RAD18: variants seen among roughly 807,000 people sequenced by gnomAD.
The protein encoded by RAD18 is RAD18 E3 ubiquitin protein ligase.
Under a neutral mutation model 60.4 loss-of-function variants are expected in RAD18, and 47 were observed. That is an observed-to-expected ratio of 0.78 (90% confidence interval 0.62 to 0.99). The LOEUF (loss-of-function observed/expected upper bound fraction) is 0.99, where lower values mean the gene tolerates loss of function less well. Among genes scored for constraint, RAD18 ranks in the 50% least tolerant of loss-of-function variants. The pLI is 0.00. For synonymous variants in RAD18, 225 were observed against 195.5 expected (o/e 1.15, Z -1.26); for missense variants, 640 against 593.3 (o/e 1.08, Z -0.82).
chr3:8,918,318 C>CAA lies in RAD18; in HGVS notation c.890-4600_890-4599dup, dbSNP rs56365221. Among the ~76,000 whole-genome samples the CAA allele has an allele frequency of 4.0e-3, 290 of 72,892 alleles. 4 individuals are homozygous for CAA. Among genetic ancestry groups the CAA allele is most frequent in the African/African-American group, 0.012 (191 of 16,496 alleles). The allele number at this position is 72,892 out of a possible 152,430, so 47.8% of individuals were successfully genotyped here. A position where few individuals can be genotyped will look rare whatever the true frequency, so the allele number is the denominator to read the frequency against. ...GGGCAACTAGAGTGAAACTCCATCT[C>CAA]AAAAAAAAAAAAAAAAAAAAAAGGG... On this transcript the variant is annotated intron_variant, in intron 7 of 12. Transcript: ENST00000264926.
chr3:8,923,498 T>C (rs1463289239), intron 7 of RAD18, among the ~76,000 whole-genome samples: 1 of 152,098 alleles, frequency 6.6e-6, no homozygotes, highest in African/African-American at 2.4e-5. Flanking sequence ...CTGCAGGATA[T>C]TATCCAGGAG....
At position 8,880,483 on chromosome 3, in the gene RAD18, T is replaced by C. The variant is rs544891370; in HGVS notation, c.*874A>G. 6.6e-6 allele frequency: 1 copy of C among 152,286 alleles called. No homozygotes were observed. The highest frequency in any genetic ancestry group is 6.5e-5 in the Admixed American group (1 of 15,300). 9.4% of individuals were successfully genotyped at this position (152,286 alleles called of 1,614,324 possible). On this transcript the variant is annotated 3_prime_UTR_variant, in exon 13 of 13. Coordinates refer to ENST00000264926, the MANE Select transcript of RAD18 (RefSeq NM_020165.4). The stretch of plus-strand genomic sequence containing the variant: ...GGTAGACATTTTACACAGATAGCAA[T>C]TTCTGACCAATCCATTTCAATGATT...
chr3:8,949,303 T>C (rs1201981594), intron 2 of RAD18, among the ~76,000 whole-genome samples: 6 of 152,166 alleles, frequency 3.9e-5, no homozygotes, highest in Non-Finnish European at 5.9e-5. Context: ...TTCTGTTTAG[T>C]TGAGGAGGAG....
chr3:8,932,952 C>T (rs985326444), intron 7 of RAD18, among the ~76,000 whole-genome samples: 6 of 151,828 alleles, frequency 4.0e-5, no homozygotes, highest in Admixed American at 2.6e-4. Context: ...AAAAATTAGC[C>T]GGGCGTGCTG....
chr3:8,933,704 G>C (rs1185009394), intron 7 of RAD18, among the ~76,000 whole-genome samples: 2 of 152,046 alleles, frequency 1.3e-5, no homozygotes, highest in African/African-American at 2.4e-5. Flanking sequence ...AGACAAAAAA[G>C]GGGACAAACC....
chr3:8,904,541 T>C (rs1267673013), intron 9 of RAD18, among the ~76,000 whole-genome samples: 1 of 152,204 alleles, frequency 6.6e-6, no homozygotes, highest in African/African-American at 2.4e-5. Context: ...AAAAGAAATA[T>C]ATGCTGGCCG....
intron 11 of RAD18, among the ~76,000 whole-genome samples, chr3:8,897,390 A>G (rs1939805436): frequency 7.2e-5 from 11 of 152,362 alleles, no homozygotes; most frequent in Admixed American, 6.5e-4. Context: ...TTAAGCTTCA[A>G]TTTGATTACA....
chr3:8,913,631 C>A lies in RAD18; in HGVS notation c.966+13G>T, dbSNP rs2125055369. 2.0e-6 allele frequency: 3 copies of A among 1,498,194 alleles called. No individual in the cohort carries two copies. Among genetic ancestry groups the A allele is most frequent in the East Asian group, 4.7e-5 (2 of 42,508 alleles). The allele number at this position is 1,498,194 out of a possible 1,614,324, so 92.8% of individuals were successfully genotyped here. A position where few individuals can be genotyped will look rare whatever the true frequency, so the allele number is the denominator to read the frequency against. On this transcript the variant is annotated intron_variant, in intron 8 of 12. Coordinates refer to ENST00000264926, the MANE Select transcript of RAD18 (RefSeq NM_020165.4). ...CATTTCTATCCATATACTGAAATAG[C>A]CCATTAACATACACTTTCATTGAGT...
Position 8,963,341 on chromosome 3 carries a change from G to T in RAD18, c.45C>A (p.Val15=). The T allele has an allele frequency of 6.2e-7, 1 of 1,611,002 alleles. No individual in the cohort carries two copies. Among genetic ancestry groups the T allele is most frequent in the Non-Finnish European group, 8.5e-7 (1 of 1,178,686 alleles). Residue 15 remains valine, a synonymous_variant, in exon 1 of 13, where the codon GTC becomes GTA. Coordinates refer to ENST00000264926, the MANE Select transcript of RAD18 (RefSeq NM_020165.4). ...AESRWPPGLA[V]MKTIDDLLRC... Reference sequence around the variant, plus strand: ...AACTCCCCGAAGCACTCACCTTCATGACTGCCAGGCCCGGAGGCCACCGAG... The same window carrying T: ...AACTCCCCGAAGCACTCACCTTCATTACTGCCAGGCCCGGAGGCCACCGAG...
intron 4 of RAD18, among the ~76,000 whole-genome samples, chr3:8,945,177 G>A (rs987522848): frequency 6.6e-6 from 1 of 152,154 alleles, no homozygotes; most frequent in Non-Finnish European, 1.5e-5. Context: ...ATTCTCAGGG[G>A]TCCTGGGACC....
Position 8,917,477 on chromosome 3 carries a change from A to G in RAD18, c.890-3757T>C, listed in dbSNP as rs536323189. 3.3e-5 allele frequency among the ~76,000 whole-genome samples: 5 copies of G among 152,296 alleles called. No individual in the cohort carries two copies. In the East Asian group the frequency reaches 9.6e-4, roughly 29 times the overall value. On this transcript the variant is annotated intron_variant, in intron 7 of 12. Coordinates refer to ENST00000264926, the MANE Select transcript of RAD18 (RefSeq NM_020165.4). ...AATAGCAATGTAATGGTTTAACAGT[A>G]TATGTAAAAGGAATTCATGACAATA...
intron 11 of RAD18, among the ~76,000 whole-genome samples, chr3:8,892,584 G>A (rs1939710625): frequency 1.3e-5 from 2 of 152,168 alleles, no homozygotes; most frequent in South Asian, 4.1e-4. Flanking sequence ...CTGTGTGTGT[G>A]CATGCACACA....
chr3:8,933,512 T>C (rs550253731), intron 7 of RAD18, among the ~76,000 whole-genome samples: 5 of 152,298 alleles, frequency 3.3e-5, no homozygotes, highest in Admixed American at 1.3e-4. Context: ...CGACAAGCCA[T>C]TGGATATAAG....
intron 11 of RAD18, among the ~76,000 whole-genome samples, chr3:8,898,038 C>T (rs1433514415): frequency 1.3e-5 from 2 of 151,920 alleles, no homozygotes; most frequent in Admixed American, 6.6e-5. Context: ...CACCACCGCA[C>T]TCCAGGCTGG....
At chr3:8,891,168 C>A (rs979551016) in intron 11 of RAD18, among the ~76,000 whole-genome samples, 1 of 151,754 alleles carries the variant, frequency 6.6e-6, no homozygotes, top group African/African-American at 2.4e-5. Context: ...AAATTCCACC[C>A]TTTGGGGGTG....
intron 1 of RAD18, 55 bp downstream of exon 1, chr3:8,963,280 G>T (rs1941119636): frequency 2.0e-6 from 3 of 1,532,280 alleles, no homozygotes; most frequent in South Asian, 2.4e-5. Flanking sequence ...TCCTCAAAGG[G>T]AGGGACCTCC....
At chr3:8,953,974 A>G (rs1940968932) in intron 2 of RAD18, among the ~76,000 whole-genome samples, 3 of 152,250 alleles carry the variant, frequency 2.0e-5, no homozygotes. Context: ...ATAAGATTCT[A>G]TTAGGCAAAT....
rs1036394109 is a variant in RAD18, at chr3:8,939,570, T to C, written c.688A>G (p.Lys230Glu). Residue 230 changes from lysine (K) to glutamate (E), a missense_variant, in exon 6 of 13, where the codon AAG becomes GAG. By Grantham distance (56) the Lys-to-Glu change is moderately conservative (BLOSUM62 1). Coordinates refer to ENST00000264926, the MANE Select transcript of RAD18 (RefSeq NM_020165.4). ...CTTCCTTACCTTCTGAGGCTTTCCT[T>C]CTTCTCTTCGCGTGATAAACAGCTG... ...LDSCLSREEKKESLRSSVHKR... is the reference protein window; with the variant it reads ...LDSCLSREEKEESLRSSVHKR... 13 of 1,612,696 alleles carry C rather than the reference T, an allele frequency of 8.1e-6. No homozygotes were observed. The highest frequency in any genetic ancestry group is 1.0e-5 in the Non-Finnish European group (12 of 1,178,964).
chr3:8,896,658 T>C (rs143912490), intron 11 of RAD18, among the ~76,000 whole-genome samples: 4 of 152,334 alleles, frequency 2.6e-5, no homozygotes, highest in Admixed American at 6.5e-5. Context: ...GGTGTATTCA[T>C]ATAATAAAAG....
Sources: gnomAD v4.1 joint callset for allele counts (sites outside exome capture counted in the v4.1 genomes callset) on GRCh38, gnomAD v4.1.1 for gene constraint, MANE v1.5 for transcripts, NCBI Gene and HGNC (gene_info 2026-07-23, HGNC 2026-07-21) for gene names.